The following CCDC138 variants were observed in gnomAD, a reference collection of about 807,000 sequenced individuals.
CCDC138 encodes coiled-coil domain containing 138.
In CCDC138, 66 loss-of-function variants were observed where a neutral mutation model predicts 82.3. The ratio of observed to expected loss-of-function variants is 0.80; its 90% confidence interval spans 0.66 to 0.98. CCDC138 has a LOEUF of 0.98. Among genes scored for constraint, CCDC138 ranks in the 50% least tolerant of loss-of-function variants. CCDC138 has a pLI of 0.00. For missense variants in CCDC138, 816 were observed against 758.9 expected (o/e 1.08, Z -0.88); for synonymous variants, 297 against 265.4 (o/e 1.12, Z -1.16).
chr2:108,847,539 A>T (rs970352300), intron 12 of CCDC138, among the ~76,000 whole-genome samples: 6 of 152,220 alleles, frequency 3.9e-5, no homozygotes, highest in Non-Finnish European at 8.8e-5. Flanking sequence ...ATAATAGTGA[A>T]TAAGGAAATG....
intron 10 of CCDC138, among the ~76,000 whole-genome samples, chr2:108,817,524 C>T (rs1413583447): frequency 6.6e-6 from 1 of 152,072 alleles, no homozygotes; most frequent in African/African-American, 2.4e-5. Context: ...ATCTCTCGAC[C>T]TCGTGATCCA....
intron 13 of CCDC138, among the ~76,000 whole-genome samples, chr2:108,864,772 C>T (rs149083953): frequency 4.3e-5 from 6 of 141,130 alleles, no homozygotes; most frequent in African/African-American, 1.3e-4. Flanking sequence ...CCAGCCTGGG[C>T]GACAGAGCGA....
In CCDC138 at chr2:108,846,826, A is replaced by G. The variant is rs1274696084; in HGVS notation, c.1412A>G (p.Gln471Arg). 1.2e-6 allele frequency: 2 copies of G among 1,613,192 alleles called. No individual in the cohort carries two copies. The highest frequency in any genetic ancestry group is 2.2e-5 in the East Asian group (1 of 44,858). Residue 471 changes from glutamine to arginine, a missense_variant, in exon 12 of 15, where the codon CAG becomes CGG. Physicochemically the swap from Gln to Arg is conservative, Grantham distance 43. Coordinates refer to ENST00000295124, the MANE Select transcript of CCDC138 (RefSeq NM_144978.3). ...VTKGIQDNSP[Q>R]HSVENKPKTA... ...AAAGGAATTCAGGATAATTCTCCAC[A>G]GCATTCTGTGGAGAATAAACCAAAG...
At chr2:108,851,907 T>A (rs1349454974) in intron 12 of CCDC138, among the ~76,000 whole-genome samples, 3 of 152,226 alleles carry the variant, frequency 2.0e-5, no homozygotes, top group African/African-American at 7.2e-5. Context: ...ATATTAGTGA[T>A]GAGGTTTACA....
chr2:108,854,022 ATTT>A (rs1692155154), intron 12 of CCDC138, among the ~76,000 whole-genome samples: 1 of 109,188 alleles, frequency 9.2e-6, no homozygotes, highest in Admixed American at 1.3e-4. Context: ...TATATAATAA[ATTT>A]ATATTATATA....
chr2:108,813,531 A>C (rs1374220004), intron 9 of CCDC138, among the ~76,000 whole-genome samples: 1 of 152,180 alleles, frequency 6.6e-6, no homozygotes. Flanking sequence ...TTGACACTCC[A>C]CAAGCATTTG....
At chr2:108,787,455 T>G (rs897306856) in intron 1 of CCDC138, among the ~76,000 whole-genome samples, 46 of 152,354 alleles carry the variant, frequency 3.0e-4, no homozygotes, top group African/African-American at 1.0e-3. Flanking sequence ...TAGAAATAAC[T>G]TGTGCATTTT....
At chr2:108,793,362 AC>A (rs1383883959) in intron 4 of CCDC138, among the ~76,000 whole-genome samples, 1 of 152,018 alleles carries the variant, frequency 6.6e-6, no homozygotes, top group Non-Finnish European at 1.5e-5. Flanking sequence ...CAACAAAAAA[AC>A]ACTGACCGAG....
intron 6 of CCDC138, 118 bp downstream of exon 6, chr2:108,798,704 C>T (rs958033080): frequency 1.6e-5 from 10 of 620,296 alleles, no homozygotes; most frequent in African/African-American, 4.3e-5. Flanking sequence ...CTCCTCTCCA[C>T]GCCTACACAC....
chr2:108,824,907 T>C (rs1686306846), intron 10 of CCDC138, among the ~76,000 whole-genome samples: 1 of 152,186 alleles, frequency 6.6e-6, no homozygotes, highest in Non-Finnish European at 1.5e-5. Flanking sequence ...ATGTGGTCAG[T>C]TGACCGAAAT....
chr2:108,829,097 A>G (rs1406635167), intron 10 of CCDC138, among the ~76,000 whole-genome samples: 1 of 152,218 alleles, frequency 6.6e-6, no homozygotes. Context: ...CAGTGATTAT[A>G]TGGCTAAGAC....
intron 6 of CCDC138, among the ~76,000 whole-genome samples, chr2:108,799,116 A>G (rs543213821): frequency 2.6e-5 from 4 of 152,204 alleles, no homozygotes; most frequent in African/African-American, 9.6e-5. Flanking sequence ...TGGTTGTTAT[A>G]TCTTTTTGGT....
chr2:108,853,876 A>G (rs1390123718), intron 12 of CCDC138, among the ~76,000 whole-genome samples: 1 of 125,550 alleles, frequency 8.0e-6, no homozygotes, highest in Admixed American at 1.0e-4. Context: ...TATATACTAT[A>G]TAATATATTA....
chr2:108,807,868 C>T (rs954440040), intron 7 of CCDC138, among the ~76,000 whole-genome samples: 1 of 152,198 alleles, frequency 6.6e-6, no homozygotes, highest in Non-Finnish European at 1.5e-5. Context: ...CTCGGCCTCC[C>T]GAAGTGCTCG....
At chr2:108,861,196 G>C (rs574504684) in intron 13 of CCDC138, among the ~76,000 whole-genome samples, 1 of 151,010 alleles carries the variant, frequency 6.6e-6, no homozygotes, top group African/African-American at 2.4e-5. Context: ...ATTTCTGATT[G>C]TGTTTATTGG....
chr2:108,828,642 T>C (rs1266341632), intron 10 of CCDC138, among the ~76,000 whole-genome samples: 4 of 152,180 alleles, frequency 2.6e-5, no homozygotes, highest in African/African-American at 7.2e-5. Flanking sequence ...CTGGATACCC[T>C]CATGCAACAA....
At chr2:108,804,223 AG>A (rs1682467753) in intron 6 of CCDC138, among the ~76,000 whole-genome samples, 1 of 152,174 alleles carries the variant, frequency 6.6e-6, no homozygotes, top group Non-Finnish European at 1.5e-5. Context: ...TTTATAAGTA[AG>A]TTGAAAGTGA....
rs923359931 is a variant in CCDC138 at position 108,819,572 on chromosome 2, C to T, written c.1206+3467C>T. ...ATTATGGGTTTCTGAGAGGAAACAGCGATAAGTTGCTAGGGAAATTAAGAC... is the reference window on the plus strand; with the variant it reads ...ATTATGGGTTTCTGAGAGGAAACAGTGATAAGTTGCTAGGGAAATTAAGAC... On this transcript the variant is annotated intron_variant, in intron 10 of 14. Coordinates refer to ENST00000295124, the MANE Select transcript of CCDC138 (RefSeq NM_144978.3). Among the ~76,000 whole-genome samples the T allele has an allele frequency of 2.2e-4, 33 of 152,120 alleles. 1 individual carries two copies. The highest frequency in any genetic ancestry group is 7.2e-4 in the Admixed American group (11 of 15,282).
At chr2:108,792,348 A>G (rs925533392) in intron 4 of CCDC138, among the ~76,000 whole-genome samples, 1 of 152,130 alleles carries the variant, frequency 6.6e-6, no homozygotes, top group Non-Finnish European at 1.5e-5. Context: ...TATTCTCATC[A>G]TTTGAGGAAG....
Sources: allele counts gnomAD v4.1 joint callset (sites outside exome capture counted in the v4.1 genomes callset), GRCh38; gene constraint gnomAD v4.1.1; transcripts MANE v1.5; gene names NCBI Gene and HGNC (gene_info 2026-07-23, HGNC 2026-07-21).